The following FHIT variants were observed in gnomAD, a reference collection of about 807,000 sequenced individuals.
FHIT encodes the protein bis(5'-adenosyl)-triphosphatase.
FHIT carries 19 observed loss-of-function variants against 17.9 expected under a neutral mutation model. The ratio of observed to expected loss-of-function variants is 1.06; its 90% CI spans 0.74 to 1.56. The LOEUF is 1.56. Ranked by LOEUF, FHIT falls within the 40% of genes most tolerant of loss-of-function variation. The pLI is 0.00. For missense variants in FHIT, 248 were observed against 189.2 expected, an observed-to-expected ratio of 1.31 and a Z score of -1.82; for synonymous variants, 81 against 69.7, an observed-to-expected ratio of 1.16 and a Z score of -0.81.
rs9863289 is a variant in FHIT, at chr3:59,972,088, C to T, written c.279+39283G>A. ...ACAGAACTACACATATGAGATGCTC[C>T]ATCATTATGTAACTCATGGACCAGC... On this transcript the variant is annotated intron_variant, in intron 7 of 9. Transcript: ENST00000492590. 9.7e-3 allele frequency among the ~76,000 whole-genome samples: 1,471 copies of T among 152,168 alleles called. 32 individuals are homozygous for T. The highest frequency in any genetic ancestry group is 0.034 in the African/African-American group (1,404 of 41,514).
chr3:61,079,549 A>C (rs1421120998), intron 2 of FHIT, among the ~76,000 whole-genome samples: 12 of 152,330 alleles, frequency 7.9e-5, no homozygotes, highest in African/African-American at 2.9e-4. Context: ...ACCAAAAAAT[A>C]TGCAAAATCT....
chr3:60,051,966 T>G (rs534425567), intron 5 of FHIT, among the ~76,000 whole-genome samples: 4 of 152,276 alleles, frequency 2.6e-5, no homozygotes, highest in African/African-American at 9.6e-5. Context: ...CAGACCCAAT[T>G]TGGCAGCAAT....
At chr3:60,595,700 G>T (rs2156973) in intron 4 of FHIT, among the ~76,000 whole-genome samples, 1 of 151,518 alleles carries the variant, frequency 6.6e-6, no homozygotes, top group East Asian at 1.9e-4. Flanking sequence ...TGCCAGTGCC[G>T]TCGTGCAGTT....
chr3:60,663,285 G>C (rs1268904256), intron 4 of FHIT, among the ~76,000 whole-genome samples: 1 of 150,908 alleles, frequency 6.6e-6, no homozygotes, highest in Non-Finnish European at 1.5e-5. Flanking sequence ...AATTTTGTTA[G>C]AAATTTAATT....
intron 5 of FHIT, among the ~76,000 whole-genome samples, chr3:60,061,645 C>T (rs1190888105): frequency 6.6e-6 from 1 of 152,168 alleles, no homozygotes; most frequent in Non-Finnish European, 1.5e-5. Context: ...AGTTTTACAT[C>T]ATAGAGTGTT....
chr3:60,751,291 G>C (rs1251561372), intron 4 of FHIT, among the ~76,000 whole-genome samples: 1 of 152,202 alleles, frequency 6.6e-6, no homozygotes, highest in African/African-American at 2.4e-5. Flanking sequence ...GGAACAGAGA[G>C]GTGTTCAATG....
intron 5 of FHIT, among the ~76,000 whole-genome samples, chr3:60,499,871 ACT>A (rs1212417414): frequency 6.6e-6 from 1 of 150,738 alleles, no homozygotes; most frequent in African/African-American, 2.4e-5. Context: ...GCAGTCCCTC[ACT>A]CTCAATCATA....
chr3:61,202,407 G>A (rs537321412), intron 1 of FHIT, among the ~76,000 whole-genome samples: 67 of 152,212 alleles, frequency 4.4e-4, no homozygotes, highest in South Asian at 3.3e-3. Flanking sequence ...GCCTCTGCCC[G>A]GACGCTGTGC....
At chr3:60,060,325 G>A (rs939847302) in intron 5 of FHIT, among the ~76,000 whole-genome samples, 7 of 152,108 alleles carry the variant, frequency 4.6e-5, no homozygotes, top group African/African-American at 1.4e-4. Flanking sequence ...AATTTAGACC[G>A]TAGAATCAAT....
intron 3 of FHIT, among the ~76,000 whole-genome samples, chr3:60,895,666 CT>C (rs782544506): frequency 0.33 from 7,973 of 23,932 alleles, 473 homozygotes; most frequent in African/African-American, 0.36. Flanking sequence ...TCCTTCCTTC[CT>C]TTCTTTCTTT....
intron 5 of FHIT, among the ~76,000 whole-genome samples, chr3:60,069,461 CA>C (rs1227529701): frequency 1.3e-5 from 2 of 152,138 alleles, no homozygotes; most frequent in Non-Finnish European, 2.9e-5. Flanking sequence ...ATTCATTGAG[CA>C]CATACATTAC....
chr3:60,918,848 G>A (rs1345314651), intron 3 of FHIT, among the ~76,000 whole-genome samples: 1 of 152,188 alleles, frequency 6.6e-6, no homozygotes, highest in Non-Finnish European at 1.5e-5. Context: ...AAACACCTTA[G>A]TAACACTTGC....
intron 2 of FHIT, among the ~76,000 whole-genome samples, chr3:61,170,931 A>G (rs1040787831): frequency 6.6e-6 from 1 of 152,176 alleles, no homozygotes; most frequent in African/African-American, 2.4e-5. Flanking sequence ...ACCCAAAAAA[A>G]TCCCATTGGT....
chr3:60,204,568 G>A (rs1703078100), intron 5 of FHIT, among the ~76,000 whole-genome samples: 1 of 151,796 alleles, frequency 6.6e-6, no homozygotes, highest in Non-Finnish European at 1.5e-5. Flanking sequence ...TGGGATTACA[G>A]GGGTGAGCCA....
intron 2 of FHIT, among the ~76,000 whole-genome samples, chr3:61,056,957 T>C (rs1294899187): frequency 6.6e-6 from 1 of 152,192 alleles, no homozygotes; most frequent in Non-Finnish European, 1.5e-5. Context: ...ACTACTTAAA[T>C]AATGTGTTTG....
chr3:60,126,119 A>C (rs1474933710), intron 5 of FHIT, among the ~76,000 whole-genome samples: 5 of 152,114 alleles, frequency 3.3e-5, no homozygotes, highest in Admixed American at 3.3e-4. Flanking sequence ...TCTAGCAGAA[A>C]GATCAGACCA....
intron 4 of FHIT, among the ~76,000 whole-genome samples, chr3:60,618,251 G>C (rs1244442169): frequency 4.6e-5 from 7 of 152,094 alleles, no homozygotes; most frequent in African/African-American, 1.4e-4. Flanking sequence ...TGGTTGATAT[G>C]CTCAGGTGCA....
intron 5 of FHIT, among the ~76,000 whole-genome samples, chr3:60,324,739 A>AT (rs1205502724): frequency 3.0e-4 from 46 of 152,064 alleles, no homozygotes; most frequent in African/African-American, 8.7e-4. Flanking sequence ...AAAATTATTC[A>AT]TTTGTTTTAC....
intron 1 of FHIT, among the ~76,000 whole-genome samples, chr3:61,239,556 G>T (rs2040316640): frequency 6.6e-6 from 1 of 151,774 alleles, no homozygotes; most frequent in African/African-American, 2.4e-5. Context: ...TTCTATCACA[G>T]TATCTTATAA....
Sources: allele counts gnomAD v4.1 joint callset (sites outside exome capture counted in the v4.1 genomes callset), GRCh38; gene constraint gnomAD v4.1.1; transcripts MANE v1.5; gene names NCBI Gene and HGNC (gene_info 2026-07-23, HGNC 2026-07-21).